Variants in BMPR2 observed in about 807,000 individuals in gnomAD.
BMPR2 encodes the protein bone morphogenetic protein receptor type 2, also known as bone morphogenetic protein receptor type-2.
In BMPR2, 29 loss-of-function variants were observed where a neutral mutation model predicts 100.8. The ratio of observed to expected loss-of-function variants is 0.29; its 90% CI spans 0.21 to 0.39. The LOEUF (loss-of-function observed/expected upper bound fraction) is 0.39, where lower values mean the gene tolerates loss of function less well. Among genes scored for constraint, BMPR2 ranks in the 10% least tolerant of loss-of-function variants. The pLI is 1.00. For missense variants in BMPR2, 1,011 were observed against 1,274.5 expected (o/e 0.79, Z 3.15); for synonymous variants, 382 against 442.3 (o/e 0.86, Z 1.71).
intron 1 of BMPR2, among the ~76,000 whole-genome samples, chr2:202,410,436 T>G (rs945188333): frequency 6.6e-6 from 1 of 152,150 alleles, no homozygotes; most frequent in Non-Finnish European, 1.5e-5. Context: ...TATGAAAGGA[T>G]CTAACCAACT....
intron 1 of BMPR2, among the ~76,000 whole-genome samples, chr2:202,394,166 A>G (rs1226364115): frequency 1.3e-4 from 20 of 152,138 alleles, no homozygotes. Context: ...CCTGGCCAAC[A>G]TGGTGAAACC....
intron 10 of BMPR2, among the ~76,000 whole-genome samples, chr2:202,550,441 C>G (rs1298341877): frequency 1.3e-5 from 2 of 151,156 alleles, no homozygotes; most frequent in East Asian, 3.9e-4. Flanking sequence ...TTGTCTTGAA[C>G]TCATGGCCTC....
chr2:202,391,091 C>G (rs1690539564), intron 1 of BMPR2, among the ~76,000 whole-genome samples: 1 of 146,366 alleles, frequency 6.8e-6, no homozygotes, highest in African/African-American at 2.6e-5. Context: ...ATTCTTCTGC[C>G]TCAGGCTCCC....
intron 1 of BMPR2, among the ~76,000 whole-genome samples, chr2:202,438,181 C>T (rs956282936): frequency 4.7e-5 from 7 of 150,034 alleles, no homozygotes; most frequent in South Asian, 2.1e-4. Flanking sequence ...GGCATGGTGG[C>T]GCATGCCTGT....
At chr2:202,537,924 A>G (rs1388813472) in intron 9 of BMPR2, among the ~76,000 whole-genome samples, 1 of 152,046 alleles carries the variant, frequency 6.6e-6, no homozygotes, top group African/African-American at 2.4e-5. Context: ...GGAGTTCGAG[A>G]CCAGCCTGGC....
At chr2:202,455,793 C>T (rs1042480970) in intron 1 of BMPR2, among the ~76,000 whole-genome samples, 3 of 150,964 alleles carry the variant, frequency 2.0e-5, no homozygotes, top group Admixed American at 6.6e-5. Context: ...TTGCCAGGGG[C>T]GGTGGCTCAC....
chr2:202,447,429 G>A (rs1342001842), intron 1 of BMPR2, among the ~76,000 whole-genome samples: 3 of 150,662 alleles, frequency 2.0e-5, no homozygotes, highest in East Asian at 1.9e-4. Context: ...AGTGGCTCAC[G>A]CCTGTAAATC....
intron 3 of BMPR2, among the ~76,000 whole-genome samples, chr2:202,499,056 G>A (rs1408890257): frequency 3.3e-5 from 5 of 151,834 alleles, no homozygotes; most frequent in African/African-American, 9.7e-5. Context: ...ATCTCCAAAG[G>A]ACCACAAAAA....
At chr2:202,440,364 A>T in intron 1 of BMPR2, among the ~76,000 whole-genome samples, 1 of 147,962 alleles carries the variant, frequency 6.8e-6, no homozygotes, top group East Asian at 2.0e-4. Flanking sequence ...CTCACATCCC[A>T]GACGGGGCGG....
At chr2:202,467,744 A>C in intron 3 of BMPR2, 55 bp downstream of exon 3, 1 of 1,540,798 alleles carries the variant, frequency 6.5e-7, no homozygotes, top group Non-Finnish European at 9.0e-7. Flanking sequence ...GATTTGCAAA[A>C]TATAAAAAAA....
chr2:202,440,773 A>G (rs915377734), intron 1 of BMPR2, among the ~76,000 whole-genome samples: 1 of 150,220 alleles, frequency 6.7e-6, no homozygotes, highest in African/African-American at 2.5e-5. Flanking sequence ...GCTTGGCATC[A>G]GAGGGAGACC....
Position 202,520,295 on chromosome 2 carries a change from A to G in BMPR2, c.967+94A>G, listed in dbSNP as rs1361572539. On this transcript the variant is annotated intron_variant, in intron 7 of 12. Transcript: ENST00000374580. Reference sequence around the variant, plus strand: ...TATCTTCAAAGTAAAAGTATAATTTATATTATTGGAGATTTATTATTAGTC... The same window carrying G: ...TATCTTCAAAGTAAAAGTATAATTTGTATTATTGGAGATTTATTATTAGTC... 1.4e-5 allele frequency: 12 copies of G among 845,220 alleles called. No individual in the cohort carries two copies. The Middle Eastern group carries it at 7.3e-4, about 51-fold the overall frequency. 52.4% of individuals were successfully genotyped at this position (845,220 alleles called of 1,614,324 possible).
At chr2:202,520,053 C>CTTT (rs11390605) in intron 6 of BMPR2, 34 bp from the exon 7 acceptor site, 3,456 of 1,156,524 alleles carry the variant, frequency 3.0e-3, no homozygotes, top group Non-Finnish European at 3.4e-3. Context: ...TTAATTCTAC[C>CTTT]TTTTTTTTTT....
In BMPR2 at chr2:202,378,077, TGAG is replaced by T. The variant is rs1225376660; in HGVS notation, c.76+530_76+532del. Among the ~76,000 whole-genome samples, 6 of 152,350 alleles carry T rather than the reference TGAG, an allele frequency of 3.9e-5. No individual in the cohort carries two copies. The East Asian group carries it at 1.2e-3, about 29-fold the overall frequency. ...GTTACCGAATGAATAGAATAAATGT[TGAG>T]GAAGCCAGAACTGTGAGATTCTTGA... On this transcript the variant is annotated intron_variant, in intron 1 of 12. Transcript: ENST00000374580.
At position 202,560,166 on chromosome 2, in the gene BMPR2, T is replaced by G; in HGVS notation, c.*220T>G. 2 of 573,230 alleles carry G rather than the reference T, an allele frequency of 3.5e-6. No homozygotes were observed. Among genetic ancestry groups the G allele is most frequent in the East Asian group, 6.3e-5 (2 of 31,796 alleles). 35.5% of individuals were successfully genotyped at this position (573,230 alleles called of 1,614,324 possible). ...TTTTAAGTTTTGCACTTTTGTTTAG[T>G]CTCGCTAAAGTTATATTTGTCTGTT... On this transcript the variant is annotated 3_prime_UTR_variant, in exon 13 of 13. Coordinates refer to ENST00000374580, the MANE Select transcript of BMPR2 (RefSeq NM_001204.7).
chr2:202,504,711 A>C, intron 3 of BMPR2, among the ~76,000 whole-genome samples: 3 of 125,410 alleles, frequency 2.4e-5, no homozygotes, highest in Admixed American at 2.0e-4. Context: ...AGAGAGTCGC[A>C]CTCTGTCACT....
At chr2:202,439,922 G>C (rs1186992680) in intron 1 of BMPR2, among the ~76,000 whole-genome samples, 1 of 150,076 alleles carries the variant, frequency 6.7e-6, no homozygotes, top group African/African-American at 2.5e-5. Flanking sequence ...GTGTCCCTGG[G>C]TACTTGAGAT....
intron 1 of BMPR2, among the ~76,000 whole-genome samples, chr2:202,415,341 C>G (rs189768426): frequency 3.9e-5 from 6 of 152,234 alleles, no homozygotes; most frequent in Non-Finnish European, 8.8e-5. Context: ...TGTGTTGCTG[C>G]ATGCCTGTAA....
intron 1 of BMPR2, among the ~76,000 whole-genome samples, chr2:202,403,325 G>A (rs946196440): frequency 6.6e-6 from 1 of 151,354 alleles, no homozygotes; most frequent in Non-Finnish European, 1.5e-5. Context: ...TCAGCCTCCC[G>A]AGTAGCTGGG....
Sources: allele counts gnomAD v4.1 joint callset (sites outside exome capture counted in the v4.1 genomes callset), GRCh38; gene constraint gnomAD v4.1.1; transcripts MANE v1.5; gene names NCBI Gene and HGNC (gene_info 2026-07-23, HGNC 2026-07-21).